STS: variants seen among roughly 807,000 people sequenced by gnomAD.
The protein encoded by STS is steroid sulfatase.
STS carries 7 observed loss-of-function variants against 26.8 expected under a neutral mutation model. The observed-to-expected ratio is 0.26, with a 90% CI of 0.15 to 0.49. The LOEUF (loss-of-function observed/expected upper bound fraction) is 0.49, where lower values mean the gene tolerates loss of function less well. Among genes scored for constraint, STS ranks in the 20% least tolerant of loss-of-function variants. STS has a pLI of 0.98. For missense variants in STS, 434 were observed against 465.6 expected (o/e 0.93, Z 0.63); for synonymous variants, 199 against 189.4 (o/e 1.05, Z -0.42).
rs1156638692 is a variant in STS at position 7,259,761 on chromosome X, G to C, written c.795G>C (p.Gln265His). 1 of 1,210,665 alleles carries C rather than the reference G, an allele frequency of 8.3e-7. No individual in the cohort carries two copies. The highest frequency in any genetic ancestry group is 2.2e-5 in the Admixed American group (1 of 46,066). ...LTQRLTVEAA[Q>H]FIQRNTETPF... ...AGAGGCTAACGGTGGAGGCGGCCCA[G>C]TTCATACAGCGGTGGGTATTGCCTT... The change falls in exon 6 of 11, where the codon CAG (glutamine) becomes CAC (histidine). Residue 265 changes from glutamine (Q) to histidine (H), a missense_variant. Transcript: ENST00000674429.
chrX:7,274,333 C>T (rs1924427236), intron 6 of STS, among the ~76,000 whole-genome samples: 1 of 111,348 alleles, frequency 9.0e-6, no homozygotes. Context: ...AGCATTGCAG[C>T]TTCTTGCACA....
intron 2 of STS, among the ~76,000 whole-genome samples, chrX:7,227,591 A>G (rs1397982903): frequency 9.0e-6 from 1 of 111,064 alleles, no homozygotes; most frequent in Non-Finnish European, 1.9e-5. Flanking sequence ...GAAAGCACAT[A>G]TTATTAGGCC....
At chrX:7,204,963 G>A (rs1319827919) in intron 2 of STS, among the ~76,000 whole-genome samples, 1 of 110,659 alleles carries the variant, frequency 9.0e-6, no homozygotes, top group African/African-American at 3.3e-5. Context: ...CTGAGACCAT[G>A]GATAGTCATG....
intron 8 of STS, among the ~76,000 whole-genome samples, chrX:7,316,199 A>G (rs1256389441): frequency 8.9e-6 from 1 of 111,915 alleles, no homozygotes; most frequent in African/African-American, 3.3e-5. Context: ...AGTTCAATTA[A>G]GTGACAAGAA....
chrX:7,290,718 C>T (rs1040052335), intron 7 of STS, among the ~76,000 whole-genome samples: 1 of 111,990 alleles, frequency 8.9e-6, no homozygotes, highest in Non-Finnish European at 1.9e-5. Flanking sequence ...TGATTCTATC[C>T]CCCACTGACC....
intron 6 of STS, among the ~76,000 whole-genome samples, chrX:7,268,155 T>TTATACATTTA (rs1449363499): frequency 9.0e-6 from 1 of 111,499 alleles, no homozygotes; most frequent in East Asian, 2.8e-4. Flanking sequence ...TGGAGAGCCA[T>TTATACATTTA]GGGGAAGAAT....
chrX:7,252,855 G>A (rs1429966684), intron 2 of STS, among the ~76,000 whole-genome samples: 5 of 111,621 alleles, frequency 4.5e-5, no homozygotes, highest in Non-Finnish European at 9.4e-5. Flanking sequence ...GTTTCCCTTA[G>A]AAAGCTACTA....
At chrX:7,232,745 G>A (rs1209986374) in intron 2 of STS, among the ~76,000 whole-genome samples, 3 of 111,715 alleles carry the variant, frequency 2.7e-5, no homozygotes, top group Admixed American at 1.9e-4. Flanking sequence ...GTATGGTTTG[G>A]CTGTGTCCCC....
intron 2 of STS, among the ~76,000 whole-genome samples, chrX:7,204,587 C>G (rs1164753218): frequency 2.1e-5 from 2 of 95,684 alleles, no homozygotes; most frequent in Non-Finnish European, 4.2e-5. Flanking sequence ...TTCCTTTCCT[C>G]CTTTCTCTCC....
intron 1 of STS, among the ~76,000 whole-genome samples, chrX:7,154,694 T>C (rs1933097400): frequency 8.9e-6 from 1 of 111,892 alleles, no homozygotes. Flanking sequence ...TATTAATATG[T>C]TTCCTATATG....
At chrX:7,215,138 C>CACAT (rs1356263612) in intron 2 of STS, among the ~76,000 whole-genome samples, 23 of 90,306 alleles carry the variant, frequency 2.5e-4, no homozygotes, top group African/African-American at 9.0e-4. Flanking sequence ...CACACACACA[C>CACAT]ATATATATAT....
intron 6 of STS, among the ~76,000 whole-genome samples, chrX:7,265,748 A>C (rs1352445035): frequency 1.8e-5 from 2 of 112,359 alleles, no homozygotes; most frequent in Non-Finnish European, 3.8e-5. Flanking sequence ...GTACATTCAC[A>C]AACAGCTTCT....
intron 2 of STS, among the ~76,000 whole-genome samples, chrX:7,195,346 A>G (rs1259613912): frequency 8.9e-6 from 1 of 111,981 alleles, no homozygotes; most frequent in Non-Finnish European, 1.9e-5. Flanking sequence ...CAGGATTTAT[A>G]GACATAGTAG....
At chrX:7,156,187 G>T (rs1203279433) in intron 1 of STS, among the ~76,000 whole-genome samples, 1 of 110,053 alleles carries the variant, frequency 9.1e-6, no homozygotes, top group African/African-American at 3.3e-5. Flanking sequence ...TATTGACATT[G>T]TTAAGTGAGG....
At chrX:7,239,406 G>T (rs73627541) in intron 2 of STS, among the ~76,000 whole-genome samples, 1 of 111,954 alleles carries the variant, frequency 8.9e-6, no homozygotes, top group Non-Finnish European at 1.9e-5. Context: ...TTTTTAATAA[G>T]CCTTCTTCCC....
rs1933712801 is a variant in STS, at chrX:7,183,157, A to T, written c.-133-7723A>T. Among the ~76,000 whole-genome samples, 3 of 111,403 alleles carry T rather than the reference A, an allele frequency of 2.7e-5. No homozygotes were observed. The Admixed American group carries it at 2.9e-4, about 11-fold the overall frequency. ...ATTTTTTTTCACATTTACAGTTTTC[A>T]TCCAGGTTGATATTTATAAGATGTA... On this transcript the variant is annotated intron_variant, in intron 1 of 10. Transcript: ENST00000674429.
intron 2 of STS, among the ~76,000 whole-genome samples, chrX:7,212,732 TAAAC>T (rs1921085981): frequency 8.9e-6 from 1 of 112,011 alleles, no homozygotes; most frequent in Admixed American, 9.5e-5. Context: ...TGAATTATAC[TAAAC>T]AAACAATTTT....
chrX:7,171,835 T>C (rs1213930414), intron 1 of STS, among the ~76,000 whole-genome samples: 1 of 112,016 alleles, frequency 8.9e-6, no homozygotes, highest in Non-Finnish European at 1.9e-5. Flanking sequence ...CTTGAAATAA[T>C]TAAAGAAATT....
intron 7 of STS, among the ~76,000 whole-genome samples, chrX:7,279,311 A>ATATGTGTGTG (rs1445736078): frequency 1.3e-5 from 1 of 78,134 alleles, no homozygotes; most frequent in Non-Finnish European, 2.3e-5. Flanking sequence ...ATATATATAT[A>ATATGTGTGTG]TGTGTGTGTG....
Sources: allele counts gnomAD v4.1 joint callset (sites outside exome capture counted in the v4.1 genomes callset), GRCh38; gene constraint gnomAD v4.1.1; transcripts MANE v1.5; gene names NCBI Gene and HGNC (gene_info 2026-07-23, HGNC 2026-07-21).